The following PTPRB variants were observed in gnomAD, a reference collection of about 807,000 sequenced individuals.
PTPRB encodes receptor-type tyrosine-protein phosphatase beta.
In PTPRB, 97 loss-of-function variants were observed where a neutral mutation model predicts 238.1. The observed-to-expected ratio is 0.41, with a 90% CI of 0.35 to 0.48. The LOEUF is 0.48. Among genes scored for constraint, PTPRB ranks in the 20% least tolerant of loss-of-function variants. PTPRB has a pLI of 0.30. For synonymous variants in PTPRB, 970 were observed against 995.4 expected (o/e 0.97, Z 0.48); for missense variants, 2,292 against 2,681.9 (o/e 0.85, Z 3.21).
chr12:70,544,563 C>G lies in PTPRB; in HGVS notation c.5488G>C (p.Glu1830Gln), dbSNP rs1407613399. ...ATGTAAAGGTTAGCCTTACCTGATT[C>G]AGTAGTGATGGGTAAAGAAAAAAAT... ...DTFFSLPITT[E>Q]SEPLFGAIEG... is the part of the protein sequence containing the mutation. Residue 1830 changes from glutamate (E) to glutamine (Q), a missense_variant, in exon 22 of 34, where the codon GAA becomes CAA. Transcript: ENST00000334414. The G allele has an allele frequency of 3.1e-6, 5 of 1,606,200 alleles. No homozygotes were observed. The highest frequency in any genetic ancestry group is 4.3e-6 in the Non-Finnish European group (5 of 1,173,910).
chr12:70,562,994 G>C lies in PTPRB; in HGVS notation c.4018C>G (p.Pro1340Ala). The C allele has an allele frequency of 6.2e-7, 1 of 1,613,968 alleles. No individual in the cohort carries two copies. The highest frequency in any genetic ancestry group is 8.5e-7 in the Non-Finnish European group (1 of 1,179,880). Residue 1340 changes from proline to alanine, a missense_variant, in exon 16 of 34, where the codon CCA becomes GCA. Coordinates refer to ENST00000334414, the MANE Select transcript of PTPRB (RefSeq NM_001109754.4). ...LSWYNIFLYNPDGNLQERAQV... is the reference protein window; with the variant it reads ...LSWYNIFLYNADGNLQERAQV... ...GCTCTCTCCTGGAGATTCCCATCTG[G>C]GTTGTACAAAAAGATGTTGTACCAG...
At chr12:70,534,085 C>T (rs1322605170) in intron 31 of PTPRB, among the ~76,000 whole-genome samples, 1 of 152,068 alleles carries the variant, frequency 6.6e-6, no homozygotes, top group African/African-American at 2.4e-5. Flanking sequence ...GGAAGAATGG[C>T]CAGAGGCAAG....
At position 70,534,491 on chromosome 12, in the gene PTPRB, C is replaced by T; in HGVS notation, c.6365G>A (p.Cys2122Tyr). The T allele has an allele frequency of 6.2e-7, 1 of 1,611,894 alleles. No individual in the cohort carries two copies. Among genetic ancestry groups the T allele is most frequent in the Non-Finnish European group, 8.5e-7 (1 of 1,179,548 alleles). Residue 2122 changes from cysteine (C) to tyrosine (Y), a missense_variant, in exon 31 of 34, where the codon TGC (cysteine) becomes TAC (tyrosine). By Grantham distance (194) the Cys-to-Tyr change is radical. Transcript: ENST00000334414. ...SPGAGPTVVH[C>Y]SAGVGRTGTF... ...TGGCTGCTAGGTTTCCTAGTACCTGCAGTGCACCACAGTGGGCCCAGCACC... is the reference window on the plus strand; with the variant it reads ...TGGCTGCTAGGTTTCCTAGTACCTGTAGTGCACCACAGTGGGCCCAGCACC...
chr12:70,596,063 G>A lies in PTPRB; in HGVS notation c.1244C>T (p.Thr415Ile). Residue 415 changes from threonine (T) to isoleucine (I), a missense_variant, in exon 5 of 34, where the codon ACC becomes ATC. Physicochemically the swap from Thr to Ile is moderately conservative, Grantham distance 89 (BLOSUM62 -1). This residue lies in a region of PTPRB where 1,205 missense variants were observed against 1,287.8 expected (regional missense o/e 0.94). Coordinates refer to ENST00000334414, the MANE Select transcript of PTPRB (RefSeq NM_001109754.4). ...SGGKRSFSVY[T>I]NGSTVPSPVK... is the part of the protein sequence containing the mutation. ...ACAGGTCTTACCTGTTGATCCATTG[G>A]TATAAACTGAAAAAGAACGTTTTCC... 6.2e-7 allele frequency: 1 copy of A among 1,607,482 alleles called. No individual in the cohort carries two copies. Among genetic ancestry groups the A allele is most frequent in the African/African-American group, 1.3e-5 (1 of 74,866 alleles).
Position 70,569,852 on chromosome 12 carries a change from C to T in PTPRB, c.3457G>A (p.Val1153Ile), listed in dbSNP as rs754895652. The T allele has an allele frequency of 4.8e-5, 77 of 1,613,980 alleles. 3 individuals are homozygous for T. The South Asian group carries it at 7.0e-4, about 15-fold the overall frequency. ...AATGCCGACACCGTGTAGGAATCAACGTCTCCCCCACCAGGAGTCCAGTTC... is the reference window on the plus strand; with the variant it reads ...AATGCCGACACCGTGTAGGAATCAATGTCTCCCCCACCAGGAGTCCAGTTC... ...TVNWTPGGGD[V>I]DSYTVSAFRH... Residue 1153 changes from valine to isoleucine, a missense_variant, in exon 14 of 34, where the codon GTT becomes ATT. Coordinates refer to ENST00000334414, the MANE Select transcript of PTPRB (RefSeq NM_001109754.4).
chr12:70,627,095 AC>A (rs1372084776), intron 2 of PTPRB, among the ~76,000 whole-genome samples: 1 of 152,214 alleles, frequency 6.6e-6, no homozygotes, highest in African/African-American at 2.4e-5. Context: ...TCAATAGCCA[AC>A]TATTACTCAA....
At chr12:70,605,460 T>C (rs866490491) in intron 4 of PTPRB, among the ~76,000 whole-genome samples, 1 of 152,212 alleles carries the variant, frequency 6.6e-6, no homozygotes, top group Non-Finnish European at 1.5e-5. Context: ...ACACCTACCA[T>C]GTATTAGATG....
At chr12:70,618,781 G>A (rs1884789338) in intron 3 of PTPRB, among the ~76,000 whole-genome samples, 1 of 152,120 alleles carries the variant, frequency 6.6e-6, no homozygotes, top group African/African-American at 2.4e-5. Flanking sequence ...TAACAACAAT[G>A]GCAGCTAAAA....
chr12:70,634,110 T>C (rs1885578675), intron 2 of PTPRB, among the ~76,000 whole-genome samples: 1 of 152,200 alleles, frequency 6.6e-6, no homozygotes, highest in African/African-American at 2.4e-5. Flanking sequence ...TCTCAACTTT[T>C]ATTGTAGCAA....
intron 4 of PTPRB, among the ~76,000 whole-genome samples, chr12:70,601,926 GA>G (rs1459689594): frequency 4.0e-5 from 6 of 150,878 alleles, no homozygotes; most frequent in Non-Finnish European, 7.4e-5. Flanking sequence ...GAGTAGCTGG[GA>G]CTACAGGCGC....
At chr12:70,541,945 T>C (rs1009349615) in intron 22 of PTPRB, 1 of 152,232 alleles carries the variant, frequency 6.6e-6, no homozygotes, top group Non-Finnish European at 1.5e-5. Context: ...TGTGGACATA[T>C]GTTTTCATTT....
At chr12:70,567,985 C>T (rs774499980) in intron 14 of PTPRB, among the ~76,000 whole-genome samples, 14 of 152,058 alleles carry the variant, frequency 9.2e-5, no homozygotes, top group East Asian at 1.9e-4. Flanking sequence ...CCACCGTGCC[C>T]GGCCTTTATT....
intron 2 of PTPRB, among the ~76,000 whole-genome samples, chr12:70,629,119 A>T (rs1885330219): frequency 6.6e-6 from 1 of 151,950 alleles, no homozygotes; most frequent in South Asian, 2.1e-4. Flanking sequence ...AATATGATAA[A>T]CTCTTGTGTG....
intron 6 of PTPRB, among the ~76,000 whole-genome samples, chr12:70,592,769 T>C (rs11178312): frequency 0.014 from 2,106 of 152,352 alleles, 49 homozygotes; most frequent in African/African-American, 0.043. Flanking sequence ...AGGTAGGCTA[T>C]ATGCCTAGTG....
At chr12:70,580,254 A>C (rs1881233628) in intron 10 of PTPRB, among the ~76,000 whole-genome samples, 1 of 152,188 alleles carries the variant, frequency 6.6e-6, no homozygotes, top group African/African-American at 2.4e-5. Flanking sequence ...TAGCATATTA[A>C]GCACTTGTTT....
chr12:70,600,344 G>C (rs943984384), intron 4 of PTPRB, among the ~76,000 whole-genome samples: 1 of 152,118 alleles, frequency 6.6e-6, no homozygotes. Flanking sequence ...TAGTAAAGTT[G>C]AGCTTCCAAT....
At chr12:70,548,613 A>C (rs1437434784) in intron 21 of PTPRB, among the ~76,000 whole-genome samples, 1 of 152,206 alleles carries the variant, frequency 6.6e-6, no homozygotes, top group Non-Finnish European at 1.5e-5. Flanking sequence ...AAGGACCTTT[A>C]GGAAGGAGAT....
rs117147365 is a variant in PTPRB at position 70,620,815 on chromosome 12, A to G, written c.708+1575T>C. Among the ~76,000 whole-genome samples, 626 of 152,322 alleles carry G rather than the reference A, an allele frequency of 4.1e-3. 3 individuals carry two copies. Among genetic ancestry groups the G allele is most frequent in the Admixed American group, 6.3e-3 (96 of 15,296 alleles). ...CTAAATAATGTGTACACATGGACAT[A>G]GAATGTGGATTGGTAGACAATGAAA... On this transcript the variant is annotated intron_variant, in intron 3 of 33. Coordinates refer to ENST00000334414, the MANE Select transcript of PTPRB (RefSeq NM_001109754.4).
At chr12:70,607,161 G>A (rs1285097682) in intron 4 of PTPRB, among the ~76,000 whole-genome samples, 1 of 152,220 alleles carries the variant, frequency 6.6e-6, no homozygotes, top group Admixed American at 6.5e-5. Context: ...TACACCCACA[G>A]TAAGTCCTTT....
Sources: allele counts gnomAD v4.1 joint callset (sites outside exome capture counted in the v4.1 genomes callset), GRCh38; gene constraint gnomAD v4.1.1; regional missense constraint gnomAD v4.1.1; transcripts MANE v1.5; gene names NCBI Gene and HGNC (gene_info 2026-07-23, HGNC 2026-07-21).